The following POU2F3 variants were observed in gnomAD, a reference collection of about 807,000 sequenced individuals.
POU2F3 encodes the protein POU class 2 homeobox 3.
Under a neutral mutation model 59.2 loss-of-function variants are expected in POU2F3, and 23 were observed. The ratio of observed to expected loss-of-function variants is 0.39; its 90% CI spans 0.28 to 0.55. POU2F3 has a LOEUF of 0.55. Ranked by LOEUF, POU2F3 falls within the 20% of genes least tolerant of loss-of-function variation. The probability of loss-of-function intolerance (pLI) is 0.66; values close to 1 mark genes in which losing one functional copy is unlikely to be tolerated. For synonymous variants in POU2F3, 190 were observed against 214.6 expected (o/e 0.89, Z 1.00); for missense variants, 473 against 544.5 (o/e 0.87, Z 1.31).
chr11:120,271,345 G>T (rs996726205), intron 3 of POU2F3, among the ~76,000 whole-genome samples: 1 of 152,244 alleles, frequency 6.6e-6, no homozygotes, highest in African/African-American at 2.4e-5. Flanking sequence ...TTACCTCAGA[G>T]ATAGTTTGGC....
At chr11:120,312,759 G>T (rs551706376) in intron 10 of POU2F3, among the ~76,000 whole-genome samples, 2 of 152,152 alleles carry the variant, frequency 1.3e-5, no homozygotes, top group South Asian at 2.1e-4. Context: ...TGTGATGAAG[G>T]CTTCAGAGAA....
chr11:120,310,709 C>G (rs1444621046), intron 10 of POU2F3, among the ~76,000 whole-genome samples: 1 of 152,128 alleles, frequency 6.6e-6, no homozygotes, highest in Non-Finnish European at 1.5e-5. Context: ...TGAAATGCAG[C>G]CTTCTCAGGG....
At chr11:120,241,457 G>A (rs1019163027) in intron 1 of POU2F3, among the ~76,000 whole-genome samples, 6 of 152,204 alleles carry the variant, frequency 3.9e-5, no homozygotes, top group African/African-American at 1.2e-4. Flanking sequence ...CCCAGATGCT[G>A]TTTCCTGGCA....
At chr11:120,305,821 A>G in intron 8 of POU2F3, 36 bp downstream of exon 8, 1 of 1,608,780 alleles carries the variant, frequency 6.2e-7, no homozygotes, top group Non-Finnish European at 8.5e-7. Flanking sequence ...GGGGCCCTAG[A>G]GGGCTCTGCA....
intron 1 of POU2F3, among the ~76,000 whole-genome samples, chr11:120,242,681 G>A (rs1192453750): frequency 6.6e-6 from 1 of 152,196 alleles, no homozygotes; most frequent in African/African-American, 2.4e-5. Context: ...CTCGCACTGA[G>A]GCCAGCTGGA....
chr11:120,291,069 T>A (rs1251722092), intron 3 of POU2F3, among the ~76,000 whole-genome samples: 1 of 152,218 alleles, frequency 6.6e-6, no homozygotes, highest in East Asian at 1.9e-4. Flanking sequence ...CAAAGCCAAG[T>A]GCATTATGTT....
At chr11:120,283,986 T>A (rs1940682345) in intron 3 of POU2F3, among the ~76,000 whole-genome samples, 1 of 152,100 alleles carries the variant, frequency 6.6e-6, no homozygotes, top group South Asian at 2.1e-4. Context: ...GAGACCAGCC[T>A]GGCCAACATG....
At chr11:120,317,499 AGAGT>A in intron 12 of POU2F3, 135 bp downstream of exon 12, 1 of 1,279,420 alleles carries the variant, frequency 7.8e-7, no homozygotes, top group Non-Finnish European at 1.1e-6. Flanking sequence ...CAGAGAGGAC[AGAGT>A]GACAGCCAGA....
intron 3 of POU2F3, among the ~76,000 whole-genome samples, chr11:120,269,574 A>C (rs1290125622): frequency 1.3e-5 from 2 of 152,174 alleles, no homozygotes; most frequent in Non-Finnish European, 2.9e-5. Flanking sequence ...GGGTGTTTGC[A>C]TGAATTGACT....
rs1941815642 is a variant in POU2F3, at chr11:120,317,348, A to G, written c.1255A>G (p.Ser419Gly). 1 of 1,614,172 alleles carries G rather than the reference A, an allele frequency of 6.2e-7. No homozygotes were observed. The change falls in exon 12 of 13, where the codon AGT becomes GGT. Residue 419 changes from serine to glycine, a missense_variant. Transcript: ENST00000543440. ...CAAAGCAGCAGTGAACTCCGCCTCC[A>G]GTTTTAACTCTTCAGGGTAAGGTGA... ...NSKAAVNSAS[S>G]FNSSGSWYRW...
At chr11:120,262,987 ATTTAT>A (rs141559841) in intron 2 of POU2F3, among the ~76,000 whole-genome samples, 69,412 of 148,376 alleles carry the variant, frequency 0.47, 20,122 homozygotes, top group East Asian at 0.99. Flanking sequence ...TTATTTATTT[ATTTAT>A]TTATTATTAT....
At chr11:120,254,811 C>G (rs920368971) in intron 2 of POU2F3, 3 of 152,114 alleles carry the variant, frequency 2.0e-5, no homozygotes, top group African/African-American at 7.2e-5. Flanking sequence ...ACCAAGAGTT[C>G]AAAGTGCCCA....
At chr11:120,255,669 C>A (rs1939310011) in intron 2 of POU2F3, among the ~76,000 whole-genome samples, 1 of 152,124 alleles carries the variant, frequency 6.6e-6, no homozygotes, top group South Asian at 2.1e-4. Flanking sequence ...CACCCCATCT[C>A]CACGGGACCC....
At chr11:120,309,173 T>C (rs938457256) in intron 9 of POU2F3, among the ~76,000 whole-genome samples, 2 of 152,096 alleles carry the variant, frequency 1.3e-5, no homozygotes, top group Non-Finnish European at 2.9e-5. Context: ...ACACACATTT[T>C]CTCATTTAAT....
intron 3 of POU2F3, among the ~76,000 whole-genome samples, chr11:120,273,197 G>A (rs1023896378): frequency 6.6e-6 from 1 of 152,206 alleles, no homozygotes; most frequent in Non-Finnish European, 1.5e-5. Flanking sequence ...GAAATCTAGA[G>A]GGTGAAACAG....
At chr11:120,306,202 C>T (rs553675109) in intron 8 of POU2F3, among the ~76,000 whole-genome samples, 76 of 152,274 alleles carry the variant, frequency 5.0e-4, no homozygotes, top group African/African-American at 1.7e-3. Context: ...ACCACAGGCA[C>T]GACACAGGGT....
chr11:120,275,637 C>A (rs950483729), intron 3 of POU2F3, among the ~76,000 whole-genome samples: 2 of 152,170 alleles, frequency 1.3e-5, no homozygotes, highest in African/African-American at 4.8e-5. Flanking sequence ...CCCAAAAGTC[C>A]TGTGAGGCCA....
chr11:120,318,614 T>C lies in POU2F3; in HGVS notation c.*222T>C, dbSNP rs1397583355. On this transcript the variant is annotated 3_prime_UTR_variant, in exon 13 of 13. Coordinates refer to ENST00000543440, the MANE Select transcript of POU2F3 (RefSeq NM_014352.4). ...TAATGCTCTTGAAATACACAGCCCC[T>C]CCTAGGAGCTTACCATTTTCACCTT... 2.0e-6 allele frequency: 1 copy of C among 505,872 alleles called. No individual in the cohort carries two copies. The highest frequency in any genetic ancestry group is 3.2e-5 in the East Asian group (1 of 30,778). 31.3% of individuals were successfully genotyped at this position (505,872 alleles called of 1,614,324 possible). A position where few individuals can be genotyped will look rare whatever the true frequency, so the allele number is the denominator to read the frequency against.
chr11:120,313,971 G>A (rs1400795331), intron 10 of POU2F3, among the ~76,000 whole-genome samples: 1 of 152,166 alleles, frequency 6.6e-6, no homozygotes, highest in Non-Finnish European at 1.5e-5. Flanking sequence ...CCGTGATCGT[G>A]CCATTGCACT....
Sources: allele counts gnomAD v4.1 joint callset (sites outside exome capture counted in the v4.1 genomes callset), GRCh38; gene constraint gnomAD v4.1.1; transcripts MANE v1.5; gene names NCBI Gene and HGNC (gene_info 2026-07-23, HGNC 2026-07-21).